Variants in KCNJ12 observed in about 807,000 individuals in gnomAD.
KCNJ12 encodes ATP-sensitive inward rectifier potassium channel 12.
A neutral mutation model predicts 22.3 loss-of-function variants in KCNJ12; 2 were observed. That is an observed-to-expected ratio of 0.09 (90% CI 0.04 to 0.28). The LOEUF (loss-of-function observed/expected upper bound fraction) is 0.28, where lower values mean the gene tolerates loss of function less well. Among genes scored for constraint, KCNJ12 ranks in the 10% least tolerant of loss-of-function variants. The pLI is 1.00. For synonymous variants in KCNJ12, 117 were observed against 261.4 expected (o/e 0.45, Z 5.33); for missense variants, 155 against 633.3 (o/e 0.24, Z 8.11).
rs1471900139 is a variant in KCNJ12 at position 21,416,834 on chromosome 17, C to A, written c.*190C>A. 15 of 1,031,902 alleles carry A rather than the reference C, an allele frequency of 1.5e-5. No homozygotes were observed. The highest frequency in any genetic ancestry group is 1.9e-5 in the Non-Finnish European group (14 of 722,150). The allele number at this position is 1,031,902 out of a possible 1,614,324, so 63.9% of individuals were successfully genotyped here. ...GGAGAGGGGGCAGCCAGAGCGGCAGCCCCCGGCCTCAGAGGCTATCACAGG... is the reference window on the plus strand; with the variant it reads ...GGAGAGGGGGCAGCCAGAGCGGCAGACCCCGGCCTCAGAGGCTATCACAGG... On this transcript the variant is annotated 3_prime_UTR_variant, in exon 3 of 3. Coordinates refer to ENST00000583088, the MANE Select transcript of KCNJ12 (RefSeq NM_021012.5).
intron 1 of KCNJ12, among the ~76,000 whole-genome samples, chr17:21,393,505 G>T (rs575416143): frequency 1.1e-3 from 164 of 152,286 alleles, no homozygotes; most frequent in Middle Eastern, 0.01. Context: ...AGCACTGCCT[G>T]CTGGCCATTT....
intron 1 of KCNJ12, among the ~76,000 whole-genome samples, chr17:21,402,439 C>T (rs1178589518): frequency 1.3e-5 from 2 of 152,300 alleles, no homozygotes; most frequent in Non-Finnish European, 1.5e-5. Flanking sequence ...CGCCGCTGAG[C>T]GTGTGAGTCA....
chr17:21,385,198 T>G (rs1905034316), intron 1 of KCNJ12, among the ~76,000 whole-genome samples: 1 of 152,158 alleles, frequency 6.6e-6, no homozygotes, highest in Non-Finnish European at 1.5e-5. Context: ...CCAGGGCCCC[T>G]TATTAGAAAG....
At chr17:21,392,235 G>A (rs1905228252) in intron 1 of KCNJ12, among the ~76,000 whole-genome samples, 1 of 152,210 alleles carries the variant, frequency 6.6e-6, no homozygotes, top group Admixed American at 6.5e-5. Context: ...CTGGACCACT[G>A]GACCTACCGG....
intron 1 of KCNJ12, among the ~76,000 whole-genome samples, chr17:21,399,316 A>G (rs1291720973): frequency 2.6e-5 from 4 of 152,178 alleles, no homozygotes; most frequent in Non-Finnish European, 5.9e-5. Context: ...GATAGTCCCC[A>G]GCGTGTCTCC....
At chr17:21,394,562 A>G (rs1372775039) in intron 1 of KCNJ12, among the ~76,000 whole-genome samples, 1 of 152,202 alleles carries the variant, frequency 6.6e-6, no homozygotes, top group Non-Finnish European at 1.5e-5. Flanking sequence ...AGCTCTCATT[A>G]TAGATTACTG....
chr17:21,405,189 C>G (rs1905859011), intron 1 of KCNJ12: 1 of 152,942 alleles, frequency 6.5e-6, no homozygotes, highest in Non-Finnish European at 1.5e-5. Flanking sequence ...GTTGGGAAGC[C>G]TGTTTCTGCT....
chr17:21,396,755 A>G (rs1905380293), intron 1 of KCNJ12, among the ~76,000 whole-genome samples: 1 of 152,200 alleles, frequency 6.6e-6, no homozygotes, highest in South Asian at 2.1e-4. Context: ...AGAGCCGGCC[A>G]AGCTGGGCCT....
In KCNJ12 at chr17:21,416,698, G is replaced by T; in HGVS notation, c.*54G>T. ...CCCCCGGCTGGGGAGAGGCCCCGCG[G>T]TCGCTCAGGGGCCCCGGGTTTGAGC... is the stretch of plus-strand genomic sequence containing the variant. On this transcript the variant is annotated 3_prime_UTR_variant, in exon 3 of 3. Coordinates refer to ENST00000583088, the MANE Select transcript of KCNJ12 (RefSeq NM_021012.5). 1 of 1,509,712 alleles carries T rather than the reference G, an allele frequency of 6.6e-7. No homozygotes were observed. Among genetic ancestry groups the T allele is most frequent in the South Asian group, 1.3e-5 (1 of 75,764 alleles). 93.5% of individuals were successfully genotyped at this position (1,509,712 alleles called of 1,614,324 possible). A position where few individuals can be genotyped will look rare whatever the true frequency, so the allele number is the denominator to read the frequency against.
At position 21,377,455 on chromosome 17, in the gene KCNJ12, G is replaced by T. The variant is rs1337958408; in HGVS notation, c.-179+542G>T. On this transcript the variant is annotated intron_variant, in intron 1 of 2. Coordinates refer to ENST00000583088, the MANE Select transcript of KCNJ12 (RefSeq NM_021012.5). The stretch of plus-strand genomic sequence containing the variant: ...TGCTGTAATGGAGTAAAAATATTCT[G>T]GAAATGATTCCATGCCAGCAAGTCA... Among the ~76,000 whole-genome samples the T allele has an allele frequency of 4.6e-5, 7 of 152,216 alleles. No homozygotes were observed. In the East Asian group the frequency reaches 1.4e-3, roughly 29 times the overall value.
intron 1 of KCNJ12, among the ~76,000 whole-genome samples, chr17:21,400,608 G>A (rs1403718914): frequency 1.2e-4 from 19 of 152,424 alleles, no homozygotes; most frequent in Admixed American, 9.8e-4. Context: ...GGGTGGGCGA[G>A]GGGCCAGGCT....
chr17:21,416,622 A>C lies in KCNJ12; in HGVS notation c.1280A>C (p.Tyr427Ser). Residue 427 changes from tyrosine to serine, a missense_variant, in exon 3 of 3, where the codon TAC (tyrosine) becomes TCC (serine). By Grantham distance (144) the Tyr-to-Ser change is moderately radical. Coordinates refer to ENST00000583088, the MANE Select transcript of KCNJ12 (RefSeq NM_021012.5). ...AGGGVLEQRP[Y>S]RRESEI Reference sequence around the variant, plus strand: ...GGCGGGGTCCTGGAGCAGCGGCCCTACAGACGGGAGTCAGAGATCTGAGCC... The same window carrying C: ...GGCGGGGTCCTGGAGCAGCGGCCCTCCAGACGGGAGTCAGAGATCTGAGCC... The C allele has an allele frequency of 6.2e-7, 1 of 1,605,906 alleles. No individual in the cohort carries two copies. The highest frequency in any genetic ancestry group is 8.5e-7 in the Non-Finnish European group (1 of 1,176,616).
intron 1 of KCNJ12, among the ~76,000 whole-genome samples, chr17:21,380,056 C>G (rs1285941789): frequency 6.6e-6 from 1 of 152,164 alleles, no homozygotes; most frequent in East Asian, 1.9e-4. Context: ...CACCTTCCCC[C>G]ATTCCACAGA....
chr17:21,379,139 A>G (rs1904775801), intron 1 of KCNJ12, among the ~76,000 whole-genome samples: 1 of 152,234 alleles, frequency 6.6e-6, no homozygotes, highest in African/African-American at 2.4e-5. Context: ...GACAGCAGTG[A>G]TAACAGGAGT....
chr17:21,394,553 G>A (rs954141461), intron 1 of KCNJ12, among the ~76,000 whole-genome samples: 2 of 152,202 alleles, frequency 1.3e-5, no homozygotes, highest in African/African-American at 4.8e-5. Context: ...ATAAACCTAA[G>A]CTCTCATTAT....
chr17:21,379,288 A>G (rs564222184), intron 1 of KCNJ12, among the ~76,000 whole-genome samples: 38 of 152,338 alleles, frequency 2.5e-4, no homozygotes, highest in Admixed American at 1.2e-3. Context: ...GCCTTGGCAT[A>G]TGGCTGGGGC....
chr17:21,418,455 G>C lies in KCNJ12; in HGVS notation c.*1811G>C, dbSNP rs1555563295. The C allele has an allele frequency of 1.2e-5, 2 of 166,002 alleles. No individual in the cohort carries two copies. The highest frequency in any genetic ancestry group is 2.9e-5 in the Non-Finnish European group (2 of 68,102). The allele number at this position is 166,002 out of a possible 1,614,324, so 10.3% of individuals were successfully genotyped here. On this transcript the variant is annotated 3_prime_UTR_variant, in exon 3 of 3. Transcript: ENST00000583088. The stretch of plus-strand genomic sequence containing the variant: ...GGTGGGGTGCAGGAGACAGAGAGGG[G>C]CTGGGGGCGTGGGGTGGGGGTGTCT...
At chr17:21,383,515 T>C (rs1381386216) in intron 1 of KCNJ12, among the ~76,000 whole-genome samples, 1 of 152,158 alleles carries the variant, frequency 6.6e-6, no homozygotes, top group East Asian at 1.9e-4. Flanking sequence ...TGCTGGGATC[T>C]GGGGCAGGTT....
chr17:21,383,759 G>A (rs879992797), intron 1 of KCNJ12, among the ~76,000 whole-genome samples: 1 of 152,166 alleles, frequency 6.6e-6, no homozygotes, highest in African/African-American at 2.4e-5. Context: ...GAGGATGCAG[G>A]ATTTTGGCCT....
Sources: allele counts gnomAD v4.1 joint callset (sites outside exome capture counted in the v4.1 genomes callset), GRCh38; gene constraint gnomAD v4.1.1; transcripts MANE v1.5; gene names NCBI Gene and HGNC (gene_info 2026-07-23, HGNC 2026-07-21).